Variants in ARK2C observed in about 807,000 individuals in gnomAD.
ARK2C encodes arkadia (RNF111) C-terminal like ring finger ubiquitin ligase 2C, also known as E3 ubiquitin-protein ligase ARK2C.
At chr18:46,375,647 A>G in the ARK2C span, among the ~76,000 whole-genome samples, 2 of 152,056 alleles carry the variant, frequency 1.3e-5, no homozygotes, top group Non-Finnish European at 2.9e-5. Flanking sequence ...TTGCGCCGTT[A>G]TATGAGCTGC....
chr18:46,353,045 G>A, the ARK2C span, among the ~76,000 whole-genome samples: 1 of 152,240 alleles, frequency 6.6e-6, no homozygotes, highest in Non-Finnish European at 1.5e-5. Context: ...GAAGTGAGAA[G>A]CCATCCTCCA....
the ARK2C span, among the ~76,000 whole-genome samples, chr18:46,452,505 C>T: frequency 6.6e-6 from 1 of 152,150 alleles, no homozygotes; most frequent in Non-Finnish European, 1.5e-5. Context: ...GTCTTGAACT[C>T]CTAATCTCAA....
the ARK2C span, chr18:46,433,617 G>A: frequency 3.1e-6 from 3 of 967,066 alleles, no homozygotes. Flanking sequence ...GGCGGAGACG[G>A]GGGCGGGGCT....
At chr18:46,402,793 G>C in the ARK2C span, among the ~76,000 whole-genome samples, 1 of 152,106 alleles carries the variant, frequency 6.6e-6, no homozygotes. Flanking sequence ...GAGCCACCAC[G>C]CCTGGCCCCA....
At chr18:46,439,651 T>A in the ARK2C span, among the ~76,000 whole-genome samples, 1 of 152,186 alleles carries the variant, frequency 6.6e-6, no homozygotes, top group Admixed American at 6.5e-5. Flanking sequence ...CCCATAGAGG[T>A]AAAACTTGGA....
the ARK2C span, among the ~76,000 whole-genome samples, chr18:46,406,889 CTTACCCTGATGGGACACATAAG>C: frequency 0.015 from 2,242 of 152,320 alleles, 37 homozygotes; most frequent in South Asian, 0.034. Flanking sequence ...GCCCAGAATC[CTTACCCTGATGGGACACATAAG>C]GATAGGGTAG....
the ARK2C span, among the ~76,000 whole-genome samples, chr18:46,394,104 T>A: frequency 1.3e-5 from 2 of 152,146 alleles, no homozygotes; most frequent in Non-Finnish European, 2.9e-5. Context: ...TCTAATTTCC[T>A]CCCTCAAGAG....
the ARK2C span, among the ~76,000 whole-genome samples, chr18:46,380,947 G>A: frequency 5.3e-5 from 8 of 152,206 alleles, no homozygotes; most frequent in African/African-American, 1.9e-4. Flanking sequence ...CCGGGCTGGA[G>A]TTCCTTCTCT....
At chr18:46,372,349 C>G in the ARK2C span, among the ~76,000 whole-genome samples, 7 of 152,226 alleles carry the variant, frequency 4.6e-5, no homozygotes, top group Non-Finnish European at 8.8e-5. Flanking sequence ...CTCTTCCTGC[C>G]TCGGTCCCAC....
At chr18:46,361,510 T>A in the ARK2C span, among the ~76,000 whole-genome samples, 1 of 152,210 alleles carries the variant, frequency 6.6e-6, no homozygotes, top group Admixed American at 6.5e-5. Flanking sequence ...AGGCTTCCTC[T>A]CCCCTGTGCC....
chr18:46,346,825 G>A, the ARK2C span, among the ~76,000 whole-genome samples: 2 of 152,198 alleles, frequency 1.3e-5, no homozygotes, highest in African/African-American at 4.8e-5. Context: ...GGGGTCTTAG[G>A]GGAGTGCAAA....
the ARK2C span, chr18:46,335,940 C>T: frequency 1.0e-6 from 1 of 985,324 alleles, no homozygotes; most frequent in Non-Finnish European, 1.2e-6. Context: ...TCTGCCTCCG[C>T]ATTTAGCTGT....
the ARK2C span, among the ~76,000 whole-genome samples, chr18:46,387,575 G>A: frequency 6.6e-6 from 1 of 152,292 alleles, no homozygotes; most frequent in Admixed American, 6.5e-5. Context: ...CCACCTGGGT[G>A]TAGCTCTGGA....
At chr18:46,456,130 T>G in the ARK2C span, 9 of 1,129,138 alleles carry the variant, frequency 8.0e-6, no homozygotes, top group Non-Finnish European at 1.2e-5. Context: ...TAGGTATTGG[T>G]GACCAATCAC....
chr18:46,453,979 G>T, the ARK2C span, among the ~76,000 whole-genome samples: 2 of 151,378 alleles, frequency 1.3e-5, no homozygotes, highest in East Asian at 3.9e-4. Flanking sequence ...TGAACATGAT[G>T]GTGTGCACCT....
At chr18:46,407,987 G>A in the ARK2C span, among the ~76,000 whole-genome samples, 1 of 152,218 alleles carries the variant, frequency 6.6e-6, no homozygotes, top group African/African-American at 2.4e-5. Context: ...TGGCATAGCA[G>A]CTGAGCTTTG....
the ARK2C span, among the ~76,000 whole-genome samples, chr18:46,451,090 G>A: frequency 2.0e-5 from 3 of 152,202 alleles, no homozygotes; most frequent in Non-Finnish European, 4.4e-5. Flanking sequence ...ACATGTATAG[G>A]TGTCAGGCAC....
chr18:46,437,598 T>TG, the ARK2C span, among the ~76,000 whole-genome samples: 161 of 152,278 alleles, frequency 1.1e-3, no homozygotes, highest in African/African-American at 3.7e-3. Flanking sequence ...TTTCCTACTT[T>TG]GGGATATCTT....
the ARK2C span, among the ~76,000 whole-genome samples, chr18:46,442,036 G>A: frequency 5.3e-5 from 8 of 150,926 alleles, no homozygotes; most frequent in South Asian, 2.1e-4. Flanking sequence ...GGTGGCGCGC[G>A]CCTGTAGTCC....
Sources: allele counts gnomAD v4.1 joint callset (sites outside exome capture counted in the v4.1 genomes callset), GRCh38; gene constraint gnomAD v4.1.1; transcripts MANE v1.5; gene names NCBI Gene and HGNC (gene_info 2026-07-23, HGNC 2026-07-21).